ZBP1: variants seen among roughly 807,000 people sequenced by gnomAD.
ZBP1 encodes the protein Z-DNA-binding protein 1.
In ZBP1, 42 loss-of-function variants were observed where a neutral mutation model predicts 41.1. That is an observed-to-expected ratio of 1.02 (90% CI 0.80 to 1.32). The LOEUF is 1.32. Among genes scored for constraint, ZBP1 ranks in the 40% most tolerant of loss-of-function variants. The pLI is 0.00. For synonymous variants in ZBP1, 214 were observed against 205.2 expected (o/e 1.04, Z -0.37); for missense variants, 562 against 549.7 (o/e 1.02, Z -0.22).
At chr20:57,606,713 G>A (rs535007233) in intron 7 of ZBP1, among the ~76,000 whole-genome samples, 135 of 152,244 alleles carry the variant, frequency 8.9e-4, no homozygotes, top group Admixed American at 1.4e-3. Context: ...ATGCTAAATC[G>A]ACTCTGCCTA....
In ZBP1 at chr20:57,613,341, A is replaced by T; in HGVS notation, c.503-11T>A. The T allele has an allele frequency of 6.2e-7, 1 of 1,611,034 alleles. No individual in the cohort carries two copies. Among genetic ancestry groups the T allele is most frequent in the South Asian group, 1.1e-5 (1 of 91,072 alleles). On this transcript the variant is annotated splice_polypyrimidine_tract_variant and intron_variant, in intron 4 of 7. Coordinates refer to ENST00000371173, the MANE Select transcript of ZBP1 (RefSeq NM_030776.3). This position sits in a 1 kb window ranked among gnomAD's most constrained non-coding sequence, Gnocchi z 4.5. ...TTCTTCCAGAATCTTCTGCAAAATA[A>T]TATTCAACTGTATCCCTTTGCCACT...
At chr20:57,609,566 C>T (rs570370300) in intron 7 of ZBP1, among the ~76,000 whole-genome samples, 1 of 151,972 alleles carries the variant, frequency 6.6e-6, no homozygotes, top group South Asian at 2.1e-4. Context: ...AGTTCAACCC[C>T]ACAGATGAGG....
At chr20:57,615,648 G>A in intron 2 of ZBP1, 68 bp from the exon 3 acceptor site, 1 of 1,436,128 alleles carries the variant, frequency 7.0e-7, no homozygotes, top group South Asian at 1.2e-5. Flanking sequence ...ACCCCACAAA[G>A]GTGGGCAGCT....
chr20:57,604,459 G>T lies in ZBP1; in HGVS notation c.*114C>A, dbSNP rs529034876. ...CCCAAAACTGATTCATGCAGGTTAT[G>T]TCTGGAAGCAAGCAGGTCAAACAAG... On this transcript the variant is annotated 3_prime_UTR_variant, in exon 8 of 8. Transcript: ENST00000371173. 5 of 1,336,546 alleles carry T rather than the reference G, an allele frequency of 3.7e-6. No individual in the cohort carries two copies. In the African/African-American group the frequency reaches 7.2e-5, roughly 19 times the overall value. The allele number at this position is 1,336,546 out of a possible 1,614,324, so 82.8% of individuals were successfully genotyped here.
At chr20:57,614,786 A>G in intron 4 of ZBP1, 101 bp downstream of exon 4, 1 of 1,470,360 alleles carries the variant, frequency 6.8e-7, no homozygotes, top group Non-Finnish European at 9.2e-7. Context: ...AGAAGCTTCT[A>G]GCAGTTTCCG....
rs1186051613 is a variant in ZBP1 at position 57,604,053 on chromosome 20, T to C, written c.*520A>G. Reference sequence around the variant, plus strand: ...CGGCTAATTTTTTGTATTTTTTTTTTTAGTAGAGACGGGGTTTCACCATGT... The same window carrying C: ...CGGCTAATTTTTTGTATTTTTTTTTCTAGTAGAGACGGGGTTTCACCATGT... On this transcript the variant is annotated 3_prime_UTR_variant, in exon 8 of 8. Coordinates refer to ENST00000371173, the MANE Select transcript of ZBP1 (RefSeq NM_030776.3). The C allele has an allele frequency of 5.1e-6, 1 of 195,298 alleles. No individual in the cohort carries two copies. The highest frequency in any genetic ancestry group is 2.4e-5 in the African/African-American group (1 of 41,990). The allele number at this position is 195,298 out of a possible 1,614,324, so 12.1% of individuals were successfully genotyped here. A position where few individuals can be genotyped will look rare whatever the true frequency, so the allele number is the denominator to read the frequency against.
chr20:57,618,580 T>C (rs1380972416), intron 1 of ZBP1, among the ~76,000 whole-genome samples: 1 of 152,128 alleles, frequency 6.6e-6, no homozygotes, highest in Non-Finnish European at 1.5e-5. Flanking sequence ...CTCGCAGAGT[T>C]TTTTGTTTTT....
chr20:57,612,257 G>C (rs911950052), intron 5 of ZBP1, among the ~76,000 whole-genome samples: 2 of 152,100 alleles, frequency 1.3e-5, no homozygotes, highest in Non-Finnish European at 2.9e-5. Context: ...AACACCAAAG[G>C]CTCAGAGCCT....
In ZBP1 at chr20:57,610,725, G is replaced by A. The variant is rs2070641936; in HGVS notation, c.875-358C>T. On this transcript the variant is annotated intron_variant, in intron 6 of 7. Coordinates refer to ENST00000371173, the MANE Select transcript of ZBP1 (RefSeq NM_030776.3). This position sits in a 1 kb window ranked among gnomAD's most constrained non-coding sequence, Gnocchi z 5.5. ...CCCCCACTTTTGGTTGAAATCTTAT[G>A]GGGGCTCCCAGCCTGGCCCCAGCTC... 1 of 338,992 alleles carries A rather than the reference G, an allele frequency of 2.9e-6. No homozygotes were observed. The highest frequency in any genetic ancestry group is 3.2e-5 in the South Asian group (1 of 31,240). 21.0% of individuals were successfully genotyped at this position (338,992 alleles called of 1,614,324 possible).
At chr20:57,611,659 G>C in intron 6 of ZBP1, 68 bp downstream of exon 6, 1 of 1,470,780 alleles carries the variant, frequency 6.8e-7, no homozygotes, top group Non-Finnish European at 9.2e-7. Context: ...AAAGATTCTG[G>C]CTCCAGTTCC....
intron 5 of ZBP1, 82 bp from the exon 6 acceptor site, chr20:57,612,012 C>T: frequency 7.1e-7 from 1 of 1,410,332 alleles, no homozygotes; most frequent in African/African-American, 1.4e-5. Flanking sequence ...CAGGCCTGTC[C>T]TCTGAATTCT....
chr20:57,615,149 GC>G, intron 3 of ZBP1, 89 bp from the exon 4 acceptor site: 9 of 1,391,320 alleles, frequency 6.5e-6, no homozygotes, highest in Non-Finnish European at 9.0e-6. Flanking sequence ...CCTGGACCCA[GC>G]CCCTCAAGGC....
At chr20:57,605,369 G>A (rs2070469900) in intron 7 of ZBP1, among the ~76,000 whole-genome samples, 1 of 152,178 alleles carries the variant, frequency 6.6e-6, no homozygotes, top group African/African-American at 2.4e-5. Flanking sequence ...TCCTGTCTCT[G>A]CGTCACATTT....
chr20:57,616,201 G>T (rs763421391), intron 2 of ZBP1, 43 bp downstream of exon 2: 23 of 1,573,956 alleles, frequency 1.5e-5, no homozygotes, highest in Non-Finnish European at 1.8e-5. Context: ...TTGCCAGGAT[G>T]CTCCCTGCAG....
In ZBP1 at chr20:57,613,013, C is replaced by A. The variant is rs1468821873; in HGVS notation, c.670+150G>T. 2 of 1,490,374 alleles carry A rather than the reference C, an allele frequency of 1.3e-6. No individual in the cohort carries two copies. The highest frequency in any genetic ancestry group is 1.8e-6 in the Non-Finnish European group (2 of 1,121,516). 92.3% of individuals were successfully genotyped at this position (1,490,374 alleles called of 1,614,324 possible). A position where few individuals can be genotyped will look rare whatever the true frequency, so the allele number is the denominator to read the frequency against. On this transcript the variant is annotated intron_variant, in intron 5 of 7. Transcript: ENST00000371173. This position sits in a 1 kb window ranked among gnomAD's most constrained non-coding sequence, Gnocchi z 4.5. ...CAGGTGTCCTCATTCTCAGGACGGC[C>A]GTAAAGGTGGACTGTGGGGGTCTGG...
chr20:57,619,234 C>A (rs924410935), intron 1 of ZBP1, among the ~76,000 whole-genome samples: 8 of 152,214 alleles, frequency 5.3e-5, no homozygotes, highest in Non-Finnish European at 8.8e-5. Context: ...CCTCCCGGGG[C>A]ACACTCTGTG....
chr20:57,619,997 C>T (rs1039700351), intron 1 of ZBP1, among the ~76,000 whole-genome samples: 10 of 152,256 alleles, frequency 6.6e-5, no homozygotes, highest in Middle Eastern at 3.4e-3. Context: ...CCACCATGCC[C>T]GGTTAATTTT....
At chr20:57,611,609 G>C in intron 6 of ZBP1, 118 bp downstream of exon 6, 1 of 1,192,810 alleles carries the variant, frequency 8.4e-7, no homozygotes, top group South Asian at 1.5e-5. Context: ...CAGCTGCCTG[G>C]TGGAAGGAAA....
intron 4 of ZBP1, 21 bp downstream of exon 4, chr20:57,614,866 C>T (rs1251179561): frequency 2.5e-6 from 4 of 1,613,234 alleles, no homozygotes; most frequent in Non-Finnish European, 3.4e-6. Context: ...GCAGCCCAGA[C>T]ACAGGCAGCC....
Sources: allele counts gnomAD v4.1 joint callset (sites outside exome capture counted in the v4.1 genomes callset), GRCh38; gene constraint gnomAD v4.1.1; non-coding constraint Gnocchi (gnomAD v3.1); transcripts MANE v1.5; gene names NCBI Gene and HGNC (gene_info 2026-07-23, HGNC 2026-07-21).